The following ZCCHC24 variants were observed in gnomAD, a reference collection of about 807,000 sequenced individuals.
The protein encoded by ZCCHC24 is zinc finger CCHC domain-containing protein 24.
Under a neutral mutation model 26.2 loss-of-function variants are expected in ZCCHC24, and 10 were observed. That is an observed-to-expected ratio of 0.38 (90% CI 0.24 to 0.65). The LOEUF is 0.65. ZCCHC24 is among the 30% of genes least tolerant of loss of function. The pLI, the probability that ZCCHC24 is intolerant of heterozygous loss-of-function variation, is 0.54. For missense variants in ZCCHC24, 243 were observed against 329.1 expected, an observed-to-expected ratio of 0.74 and a Z score of 2.03; for synonymous variants, 144 against 147.1, an observed-to-expected ratio of 0.98 and a Z score of 0.15.
At chr10:79,438,781 G>T (rs536757415) in intron 1 of ZCCHC24, among the ~76,000 whole-genome samples, 5 of 152,196 alleles carry the variant, frequency 3.3e-5, no homozygotes, top group Non-Finnish European at 7.4e-5. Context: ...GTGCCAGCAG[G>T]ACAAAGCAGA....
intron 1 of ZCCHC24, among the ~76,000 whole-genome samples, chr10:79,434,904 C>A (rs1201552806): frequency 6.6e-6 from 1 of 152,250 alleles, no homozygotes; most frequent in African/African-American, 2.4e-5. Flanking sequence ...CCGCCTACTG[C>A]AGCCCAATCT....
At chr10:79,441,117 C>CACACACACACACACACACACA (rs1589682075) in intron 1 of ZCCHC24, among the ~76,000 whole-genome samples, 1 of 147,922 alleles carries the variant, frequency 6.8e-6, no homozygotes, top group African/African-American at 2.6e-5. Context: ...CACACACACA[C>CACACACACACACACACACACA]CACAAAGGCT....
chr10:79,428,337 A>G (rs576428071), intron 2 of ZCCHC24, among the ~76,000 whole-genome samples: 2 of 146,392 alleles, frequency 1.4e-5, no homozygotes, highest in South Asian at 2.1e-4. Context: ...GACAGAAGGT[A>G]AAATGGTGGT....
At chr10:79,396,684 A>G (rs1377855000) in intron 2 of ZCCHC24, among the ~76,000 whole-genome samples, 1 of 152,244 alleles carries the variant, frequency 6.6e-6, no homozygotes, top group African/African-American at 2.4e-5. Flanking sequence ...CTGCATTTTA[A>G]CAAGAGCCCC....
At chr10:79,432,447 C>T (rs1416101097) in intron 2 of ZCCHC24, 111 bp downstream of exon 2, 1 of 1,127,448 alleles carries the variant, frequency 8.9e-7, no homozygotes, top group Non-Finnish European at 1.2e-6. Flanking sequence ...CGGGGCCACT[C>T]ATTGGTGGAA....
intron 2 of ZCCHC24, among the ~76,000 whole-genome samples, chr10:79,411,148 G>A (rs541335079): frequency 3.9e-5 from 6 of 152,318 alleles, no homozygotes; most frequent in East Asian, 1.9e-4. Context: ...CCTGGCTCCT[G>A]TCCTCAGGAA....
At chr10:79,427,514 G>A (rs754114402) in intron 2 of ZCCHC24, among the ~76,000 whole-genome samples, 41 of 151,652 alleles carry the variant, frequency 2.7e-4, no homozygotes, top group Non-Finnish European at 3.2e-4. Context: ...ATGGAATAAG[G>A]TTAGAAATCA....
At chr10:79,427,468 G>A (rs963095966) in intron 2 of ZCCHC24, among the ~76,000 whole-genome samples, 2 of 152,022 alleles carry the variant, frequency 1.3e-5, no homozygotes, top group East Asian at 1.9e-4. Flanking sequence ...AAATTTAGAA[G>A]GGTTAATATA....
chr10:79,445,326 C>A lies in ZCCHC24; in HGVS notation c.115G>T (p.Ala39Ser). Residue 39 changes from alanine to serine, a missense_variant, in exon 1 of 4, where the codon GCC becomes TCC. Physicochemically the swap from Ala to Ser is moderately conservative, Grantham distance 99. Transcript: ENST00000372336. ...CCGGCGGTCGGCTCGGGCCGGAAGG[C>A]ATCGAAGGCGCTAGCCTGGTGCGTG... is the stretch of plus-strand genomic sequence containing the variant. ...QDTHQASAFD[A>S]FRPEPTAGAA... The A allele has an allele frequency of 6.6e-7, 1 of 1,523,430 alleles. No individual in the cohort carries two copies. Among genetic ancestry groups the A allele is most frequent in the Non-Finnish European group, 8.8e-7 (1 of 1,137,700 alleles). The allele number at this position is 1,523,430 out of a possible 1,614,324, so 94.4% of individuals were successfully genotyped here.
chr10:79,416,008 C>G (rs759067840), intron 2 of ZCCHC24, among the ~76,000 whole-genome samples: 16 of 152,186 alleles, frequency 1.1e-4, no homozygotes, highest in Non-Finnish European at 2.1e-4. Flanking sequence ...TGGGGTGGAG[C>G]CTGAGGACCC....
rs1287465280 is a variant in ZCCHC24 at position 79,382,387 on chromosome 10, A to T, written c.*3958T>A. The stretch of plus-strand genomic sequence containing the variant: ...GGCTATATTTCTATAGGCGAGCCGT[A>T]TACAGATTCTCCAGGAATAAGGCAC... On this transcript the variant is annotated 3_prime_UTR_variant, in exon 4 of 4. Coordinates refer to ENST00000372336, the MANE Select transcript of ZCCHC24 (RefSeq NM_153367.4). The T allele has an allele frequency of 6.5e-6, 1 of 152,846 alleles. No homozygotes were observed. The highest frequency in any genetic ancestry group is 1.9e-4 in the East Asian group (1 of 5,338). The allele number at this position is 152,846 out of a possible 1,614,324, so 9.5% of individuals were successfully genotyped here. A position where few individuals can be genotyped will look rare whatever the true frequency, so the allele number is the denominator to read the frequency against.
chr10:79,441,678 C>A (rs536748301), intron 1 of ZCCHC24, among the ~76,000 whole-genome samples: 6 of 151,572 alleles, frequency 4.0e-5, no homozygotes, highest in Non-Finnish European at 8.8e-5. Flanking sequence ...CTGTGTGTTT[C>A]CAAGGGAAAG....
At chr10:79,402,436 C>T (rs1186731523) in intron 2 of ZCCHC24, among the ~76,000 whole-genome samples, 1 of 152,150 alleles carries the variant, frequency 6.6e-6, no homozygotes, top group African/African-American at 2.4e-5. Flanking sequence ...CCACCACGCC[C>T]GGCTAATTTT....
rs1274918746 is a variant in ZCCHC24, at chr10:79,383,236, T to C, written c.*3109A>G. The C allele has an allele frequency of 6.5e-6, 1 of 152,794 alleles. No homozygotes were observed. Among genetic ancestry groups the C allele is most frequent in the Admixed American group, 6.5e-5 (1 of 15,290 alleles). The allele number at this position is 152,794 out of a possible 1,614,324, so 9.5% of individuals were successfully genotyped here. ...ACACTTGAATAATATGCTGTCTACT[T>C]AATACTGATATTTTCATCCAGGGAA... On this transcript the variant is annotated 3_prime_UTR_variant, in exon 4 of 4. Transcript: ENST00000372336.
chr10:79,392,628 G>T (rs1424817739), intron 3 of ZCCHC24, among the ~76,000 whole-genome samples: 1 of 152,124 alleles, frequency 6.6e-6, no homozygotes, highest in African/African-American at 2.4e-5. Flanking sequence ...CTTCCCAGTT[G>T]CGGCCACTGC....
chr10:79,411,339 T>A (rs181647908), intron 2 of ZCCHC24, among the ~76,000 whole-genome samples: 1 of 152,032 alleles, frequency 6.6e-6, no homozygotes, highest in African/African-American at 2.4e-5. Context: ...ACACACACAC[T>A]CCCCTGCAGG....
At chr10:79,390,228 T>C (rs1856460819) in intron 3 of ZCCHC24, among the ~76,000 whole-genome samples, 1 of 152,228 alleles carries the variant, frequency 6.6e-6, no homozygotes, top group Non-Finnish European at 1.5e-5. Flanking sequence ...ACTTAGTGAT[T>C]GCTGTGTGAC....
intron 1 of ZCCHC24, among the ~76,000 whole-genome samples, chr10:79,443,395 T>C (rs1248389849): frequency 6.6e-6 from 1 of 152,128 alleles, no homozygotes; most frequent in African/African-American, 2.4e-5. Flanking sequence ...GCCACCATGG[T>C]AGGGGGAGCA....
chr10:79,383,124 C>T lies in ZCCHC24; in HGVS notation c.*3221G>A, dbSNP rs1275038652. 6.5e-6 allele frequency: 1 copy of T among 152,716 alleles called. No homozygotes were observed. The highest frequency in any genetic ancestry group is 1.5e-5 in the Non-Finnish European group (1 of 68,040). 9.5% of individuals were successfully genotyped at this position (152,716 alleles called of 1,614,324 possible). On this transcript the variant is annotated 3_prime_UTR_variant, in exon 4 of 4. Coordinates refer to ENST00000372336, the MANE Select transcript of ZCCHC24 (RefSeq NM_153367.4). ...CACCATTCCCTTTTTCACTATGTATCGAATTATAGCTTCCCTTAAAAAAGG... is the reference window on the plus strand; with the variant it reads ...CACCATTCCCTTTTTCACTATGTATTGAATTATAGCTTCCCTTAAAAAAGG...
Sources: allele counts gnomAD v4.1 joint callset (sites outside exome capture counted in the v4.1 genomes callset), GRCh38; gene constraint gnomAD v4.1.1; transcripts MANE v1.5; gene names NCBI Gene and HGNC (gene_info 2026-07-23, HGNC 2026-07-21).